The following KAZN variants were observed in gnomAD, a reference collection of about 807,000 sequenced individuals.
The protein encoded by KAZN is kazrin.
A neutral mutation model predicts 87.4 loss-of-function variants in KAZN; 40 were observed. The ratio of observed to expected loss-of-function variants is 0.46; its 90% CI spans 0.36 to 0.60. The LOEUF (loss-of-function observed/expected upper bound fraction) is 0.60. Among genes scored for constraint, KAZN ranks in the 20% least tolerant of loss-of-function variants. The pLI is 0.00. For missense variants in KAZN, 898 were observed against 1,073.9 expected (o/e 0.84, Z 2.29); for synonymous variants, 466 against 458.3 (o/e 1.02, Z -0.22).
chr1:14,138,775 C>A (rs1156642539), intron 1 of KAZN, among the ~76,000 whole-genome samples: 1 of 152,198 alleles, frequency 6.6e-6, no homozygotes, highest in Non-Finnish European at 1.5e-5. Flanking sequence ...CTTTTCCAGG[C>A]ATCTCGACTC....
chr1:14,986,702 A>G (rs937120957), intron 2 of KAZN, among the ~76,000 whole-genome samples: 1 of 152,132 alleles, frequency 6.6e-6, no homozygotes, highest in Non-Finnish European at 1.5e-5. Context: ...CACTTCAAGA[A>G]AGTGAGGCTC....
intron 1 of KAZN, among the ~76,000 whole-genome samples, chr1:13,995,219 CAA>C (rs113600200): frequency 5.6e-4 from 60 of 107,266 alleles, no homozygotes; most frequent in African/African-American, 1.1e-3. Flanking sequence ...TGCAATAAGG[CAA>C]AAAAAAAAAA....
At chr1:14,251,510 G>A (rs1650024910) in intron 2 of KAZN, among the ~76,000 whole-genome samples, 1 of 152,086 alleles carries the variant, frequency 6.6e-6, no homozygotes, top group Admixed American at 6.5e-5. Context: ...AAGACATTCT[G>A]GGAGGGAGGA....
At chr1:13,905,089 T>G (rs1453236702) in intron 1 of KAZN, among the ~76,000 whole-genome samples, 1 of 152,190 alleles carries the variant, frequency 6.6e-6, no homozygotes, top group African/African-American at 2.4e-5. Context: ...TCTCATTGAA[T>G]AGTTTTCAAA....
chr1:14,131,333 T>G (rs577694897), intron 1 of KAZN, among the ~76,000 whole-genome samples: 1 of 152,198 alleles, frequency 6.6e-6, no homozygotes, highest in African/African-American at 2.4e-5. Context: ...AAGGCCAAAG[T>G]TGGAAACACT....
intron 2 of KAZN, among the ~76,000 whole-genome samples, chr1:14,997,022 C>A (rs1667938393): frequency 6.6e-6 from 1 of 152,080 alleles, no homozygotes; most frequent in Non-Finnish European, 1.5e-5. Context: ...CCCCAGCATT[C>A]CCTGATGCCT....
intron 2 of KAZN, among the ~76,000 whole-genome samples, chr1:14,380,665 C>G (rs928797179): frequency 6.6e-6 from 1 of 151,974 alleles, no homozygotes; most frequent in Admixed American, 6.6e-5. Context: ...TGAAAATACA[C>G]AGTCAGAGGA....
At chr1:14,863,448 A>C (rs1222073019) in intron 1 of KAZN, among the ~76,000 whole-genome samples, 1 of 152,200 alleles carries the variant, frequency 6.6e-6, no homozygotes, top group Non-Finnish European at 1.5e-5. Context: ...GACAGCTTTG[A>C]GCAGAAGTGG....
intron 1 of KAZN, among the ~76,000 whole-genome samples, chr1:14,179,143 T>A (rs1356576855): frequency 6.6e-6 from 1 of 152,204 alleles, no homozygotes; most frequent in African/African-American, 2.4e-5. Context: ...GGATTGATAT[T>A]CAGCCAGCAA....
chr1:14,586,442 CA>C (rs760208028), intron 2 of KAZN, among the ~76,000 whole-genome samples: 17 of 150,884 alleles, frequency 1.1e-4, no homozygotes, highest in Non-Finnish European at 2.1e-4. Context: ...GTCATCTGGG[CA>C]AGTTAAATTG....
chr1:14,787,177 A>C (rs1232418369), intron 1 of KAZN, among the ~76,000 whole-genome samples: 2 of 152,188 alleles, frequency 1.3e-5, no homozygotes, highest in Non-Finnish European at 2.9e-5. Context: ...TGGATGTATT[A>C]ATTATGGCCA....
chr1:14,006,393 CAT>C (rs1640039095), intron 1 of KAZN, among the ~76,000 whole-genome samples: 1 of 152,144 alleles, frequency 6.6e-6, no homozygotes, highest in Non-Finnish European at 1.5e-5. Context: ...TGGCATGTCA[CAT>C]AGTGAGAGAG....
At chr1:13,947,337 CA>C (rs1470878487) in intron 1 of KAZN, among the ~76,000 whole-genome samples, 6 of 152,096 alleles carry the variant, frequency 3.9e-5, no homozygotes, top group Admixed American at 3.9e-4. Flanking sequence ...TAGCAAGAGG[CA>C]AAATCGTGAG....
intron 1 of KAZN, among the ~76,000 whole-genome samples, chr1:13,933,263 C>T (rs12034398): frequency 0.016 from 2,487 of 151,900 alleles, 63 homozygotes; most frequent in African/African-American, 0.055. Context: ...GAGGCCGAGG[C>T]GGGTGTATCA....
chr1:14,646,194 T>C (rs1021550404), intron 1 of KAZN, among the ~76,000 whole-genome samples: 4 of 152,176 alleles, frequency 2.6e-5, no homozygotes, highest in African/African-American at 7.2e-5. Flanking sequence ...CGTGAATCTA[T>C]ACATTGTTAA....
chr1:13,999,691 A>T (rs1639693615), intron 1 of KAZN, among the ~76,000 whole-genome samples: 1 of 152,208 alleles, frequency 6.6e-6, no homozygotes. Context: ...AAGACAAGAA[A>T]TAACTAAAAT....
rs181902264 is a variant in KAZN, at chr1:14,184,715, C to T, written c.249+4123C>T. Among the ~76,000 whole-genome samples the T allele has an allele frequency of 2.8e-4, 42 of 152,246 alleles. No individual in the cohort carries two copies. Among genetic ancestry groups the T allele is most frequent in the African/African-American group, 9.6e-4 (40 of 41,552 alleles). On this transcript the variant is annotated intron_variant, in intron 2 of 16. Coordinates refer to the KAZN transcript ENST00000636203. The surrounding 1 kb of genome is among the most constrained non-coding windows in gnomAD (Gnocchi z 4.2). ...GATTGAACATGATCAGCTATTTTAG[C>T]TGTCTGGACACTCCCTGGCCTCAGA...
chr1:14,547,647 G>A (rs1268211511), intron 2 of KAZN, among the ~76,000 whole-genome samples: 2 of 152,018 alleles, frequency 1.3e-5, no homozygotes, highest in Non-Finnish European at 2.9e-5. Flanking sequence ...CAGTGATGCA[G>A]TCTCGGCTCA....
At chr1:14,330,330 T>G (rs1422496253) in intron 2 of KAZN, among the ~76,000 whole-genome samples, 1 of 152,222 alleles carries the variant, frequency 6.6e-6, no homozygotes, top group African/African-American at 2.4e-5. Context: ...TTTCCTTTCT[T>G]CACATTAGGA....
Sources: gnomAD v4.1 joint callset for allele counts (sites outside exome capture counted in the v4.1 genomes callset) on GRCh38, gnomAD v4.1.1 for gene constraint, Gnocchi (gnomAD v3.1) non-coding constraint, MANE v1.5 for transcripts, NCBI Gene and HGNC (gene_info 2026-07-23, HGNC 2026-07-21) for gene names.